Variants in MMP16 observed in about 807,000 individuals in gnomAD.
The protein encoded by MMP16 is matrix metallopeptidase 16, also known as matrix metalloproteinase-16.
A neutral mutation model predicts 67.8 loss-of-function variants in MMP16; 12 were observed. The ratio of observed to expected loss-of-function variants is 0.18; its 90% CI spans 0.11 to 0.29. The LOEUF (loss-of-function observed/expected upper bound fraction) is 0.29, where lower values mean the gene tolerates loss of function less well. Ranked by LOEUF, MMP16 falls within the 10% of genes least tolerant of loss-of-function variation. The probability of loss-of-function intolerance (pLI) is 1.00; values close to 1 mark genes in which losing one functional copy is unlikely to be tolerated. For synonymous variants in MMP16, 249 were observed against 255.9 expected (o/e 0.97, Z 0.26); for missense variants, 475 against 765.7 (o/e 0.62, Z 4.48).
At chr8:88,118,380 C>T (rs1033061457) in intron 5 of MMP16, among the ~76,000 whole-genome samples, 8 of 151,684 alleles carry the variant, frequency 5.3e-5, no homozygotes, top group African/African-American at 1.9e-4. Flanking sequence ...TTGTTACATT[C>T]ATTTATTACA....
intron 3 of MMP16, among the ~76,000 whole-genome samples, chr8:88,174,235 T>G (rs1012731885): frequency 6.6e-6 from 1 of 152,162 alleles, no homozygotes; most frequent in Non-Finnish European, 1.5e-5. Flanking sequence ...TCATAAATAC[T>G]CATATTCATC....
At chr8:88,233,790 A>G (rs1809899808) in intron 1 of MMP16, among the ~76,000 whole-genome samples, 1 of 152,186 alleles carries the variant, frequency 6.6e-6, no homozygotes, top group Non-Finnish European at 1.5e-5. Context: ...ACTTGTCCCT[A>G]ATGTGGGACC....
intron 1 of MMP16, among the ~76,000 whole-genome samples, chr8:88,258,642 A>G (rs1031087079): frequency 2.0e-5 from 3 of 152,240 alleles, no homozygotes; most frequent in African/African-American, 7.2e-5. Flanking sequence ...TGTAAATGTT[A>G]AATGTTAAAT....
intron 1 of MMP16, among the ~76,000 whole-genome samples, chr8:88,232,379 C>G (rs1402202169): frequency 6.6e-6 from 1 of 152,038 alleles, no homozygotes; most frequent in East Asian, 1.9e-4. Flanking sequence ...TTCTGTAAAA[C>G]CGGCAAATAG....
intron 8 of MMP16, among the ~76,000 whole-genome samples, chr8:88,047,436 G>C (rs977649696): frequency 6.6e-6 from 1 of 152,144 alleles, no homozygotes; most frequent in Admixed American, 6.5e-5. Context: ...AAAAAGCAAA[G>C]CAGATAAGAG....
intron 1 of MMP16, among the ~76,000 whole-genome samples, chr8:88,272,616 G>A (rs1810581461): frequency 1.3e-5 from 2 of 152,180 alleles, no homozygotes; most frequent in African/African-American, 4.8e-5. Flanking sequence ...GTAAGTAAAT[G>A]TGATCACATA....
At chr8:88,045,381 T>C (rs1808186038) in intron 9 of MMP16, among the ~76,000 whole-genome samples, 1 of 152,124 alleles carries the variant, frequency 6.6e-6, no homozygotes, top group African/African-American at 2.4e-5. Flanking sequence ...GTTTGTTTGT[T>C]TGTTTTTTAG....
At chr8:88,309,147 C>T (rs1811257336) in intron 1 of MMP16, among the ~76,000 whole-genome samples, 3 of 152,078 alleles carry the variant, frequency 2.0e-5, no homozygotes, top group Non-Finnish European at 2.9e-5. Context: ...CCAGAAATTT[C>T]GTTACATAAA....
chr8:88,150,896 C>A (rs1418711382), intron 4 of MMP16, among the ~76,000 whole-genome samples: 3 of 140,002 alleles, frequency 2.1e-5, no homozygotes, highest in East Asian at 2.2e-4. Context: ...CTAAATGCTC[C>A]AATTAAAAGA....
chr8:88,070,092 A>G (rs1808526370), intron 7 of MMP16, among the ~76,000 whole-genome samples: 1 of 152,128 alleles, frequency 6.6e-6, no homozygotes, highest in African/African-American at 2.4e-5. Context: ...CCAATCTAAA[A>G]TATTTTTATT....
intron 3 of MMP16, among the ~76,000 whole-genome samples, chr8:88,170,440 G>A (rs946147556): frequency 7.2e-5 from 11 of 152,070 alleles, no homozygotes; most frequent in African/African-American, 1.9e-4. Flanking sequence ...ACTGAATTTC[G>A]TCTAAATTAA....
intron 4 of MMP16, among the ~76,000 whole-genome samples, chr8:88,151,495 G>T (rs1174672857): frequency 6.7e-6 from 1 of 149,420 alleles, no homozygotes; most frequent in African/African-American, 2.5e-5. Flanking sequence ...TAAAAGAACA[G>T]AAATTATAAC....
chr8:88,185,429 A>G (rs1442168071), intron 3 of MMP16, among the ~76,000 whole-genome samples: 2 of 152,184 alleles, frequency 1.3e-5, no homozygotes, highest in Non-Finnish European at 2.9e-5. Context: ...ACTGCACTCC[A>G]ACCTGGGTGA....
At chr8:88,193,472 T>G (rs1285963838) in intron 2 of MMP16, among the ~76,000 whole-genome samples, 2 of 151,816 alleles carry the variant, frequency 1.3e-5, no homozygotes, top group African/African-American at 4.8e-5. Context: ...AGAGAAGGGG[T>G]GGCTAATGGG....
intron 8 of MMP16, among the ~76,000 whole-genome samples, chr8:88,052,761 A>G (rs1808286657): frequency 6.6e-6 from 1 of 152,158 alleles, no homozygotes; most frequent in Non-Finnish European, 1.5e-5. Context: ...GCATGACTAT[A>G]GCATCCACCT....
At chr8:88,260,352 A>C (rs1054646728) in intron 1 of MMP16, among the ~76,000 whole-genome samples, 2 of 152,108 alleles carry the variant, frequency 1.3e-5, no homozygotes, top group Non-Finnish European at 2.9e-5. Flanking sequence ...TTAAAACATA[A>C]GGCAAAAAAC....
At chr8:88,316,966 C>T (rs1321386031) in intron 1 of MMP16, among the ~76,000 whole-genome samples, 1 of 152,024 alleles carries the variant, frequency 6.6e-6, no homozygotes, top group Non-Finnish European at 1.5e-5. Context: ...AGAAGTGGAA[C>T]CTAAAGATCT....
chr8:88,247,440 G>C (rs997468690), intron 1 of MMP16, among the ~76,000 whole-genome samples: 1 of 152,068 alleles, frequency 6.6e-6, no homozygotes, highest in Non-Finnish European at 1.5e-5. Flanking sequence ...TGACAGCTAT[G>C]GAGGAAACAC....
chr8:88,321,109 A>G (rs1245283734), intron 1 of MMP16, among the ~76,000 whole-genome samples: 1 of 152,188 alleles, frequency 6.6e-6, no homozygotes, highest in African/African-American at 2.4e-5. Context: ...TATTGTTCAC[A>G]TAAACTACAT....
Sources: allele counts gnomAD v4.1 joint callset (sites outside exome capture counted in the v4.1 genomes callset), GRCh38; gene constraint gnomAD v4.1.1; transcripts MANE v1.5; gene names NCBI Gene and HGNC (gene_info 2026-07-23, HGNC 2026-07-21).